The following CCNY variants were observed in gnomAD, a reference collection of about 807,000 sequenced individuals.
The protein encoded by CCNY is cyclin-Y.
In CCNY, 19 loss-of-function variants were observed where a neutral mutation model predicts 42.8. The ratio of observed to expected loss-of-function variants is 0.44; its 90% CI spans 0.31 to 0.65. The LOEUF (loss-of-function observed/expected upper bound fraction) is 0.65. Ranked by LOEUF, CCNY falls within the 30% of genes least tolerant of loss-of-function variation. The pLI is 0.07. For synonymous variants in CCNY, 165 were observed against 162.7 expected (o/e 1.01, Z -0.11); for missense variants, 370 against 437.3 (o/e 0.85, Z 1.37).
chr10:35,485,621 A>G (rs1003349572), intron 2 of CCNY, among the ~76,000 whole-genome samples: 2 of 149,878 alleles, frequency 1.3e-5, no homozygotes, highest in African/African-American at 4.9e-5. Flanking sequence ...GCCACTCAGG[A>G]GGCTGAGGCA....
intron 3 of CCNY, among the ~76,000 whole-genome samples, chr10:35,325,164 A>G (rs1835864912): frequency 6.6e-6 from 1 of 151,914 alleles, no homozygotes; most frequent in Non-Finnish European, 1.5e-5. Flanking sequence ...ATTGGTAATG[A>G]CTCTTATTTC....
intron 1 of CCNY, among the ~76,000 whole-genome samples, chr10:35,440,052 A>G (rs1241396823): frequency 6.6e-6 from 1 of 152,178 alleles, no homozygotes; most frequent in Non-Finnish European, 1.5e-5. Flanking sequence ...TTACCACTTC[A>G]CAATGGCAAA....
intron 1 of CCNY, among the ~76,000 whole-genome samples, chr10:35,387,961 G>C (rs542709598): frequency 6.6e-6 from 1 of 152,128 alleles, no homozygotes; most frequent in Non-Finnish European, 1.5e-5. Flanking sequence ...ACTTACTTGA[G>C]ATGACTTAGT....
At chr10:35,534,999 A>G (rs12247620) in intron 7 of CCNY, among the ~76,000 whole-genome samples, 111 of 133,570 alleles carry the variant, frequency 8.3e-4, no homozygotes, top group Middle Eastern at 4.1e-3. Context: ...ATCTATATAT[A>G]TGTGTGTGTG....
At chr10:35,317,903 A>G (rs1340659630) in intron 3 of CCNY, among the ~76,000 whole-genome samples, 2 of 152,246 alleles carry the variant, frequency 1.3e-5, no homozygotes, top group East Asian at 3.8e-4. Flanking sequence ...AACCATTGTT[A>G]GTAACACATA....
chr10:35,400,356 A>G (rs1384880530), intron 1 of CCNY, among the ~76,000 whole-genome samples: 1 of 151,958 alleles, frequency 6.6e-6, no homozygotes, highest in Non-Finnish European at 1.5e-5. Context: ...CCCTCCCCTC[A>G]CCTTGGGAAT....
At chr10:35,533,871 G>C (rs550934060) in intron 7 of CCNY, among the ~76,000 whole-genome samples, 1 of 152,334 alleles carries the variant, frequency 6.6e-6, no homozygotes, top group Non-Finnish European at 1.5e-5. Context: ...GTAAGTATTT[G>C]TTGAACATGT....
At chr10:35,538,874 A>T (rs1840940008) in intron 7 of CCNY, among the ~76,000 whole-genome samples, 1 of 152,146 alleles carries the variant, frequency 6.6e-6, no homozygotes, top group South Asian at 2.1e-4. Flanking sequence ...GGTCATGATG[A>T]TTTACCCCTA....
chr10:35,323,189 A>C (rs1202235197), intron 3 of CCNY, among the ~76,000 whole-genome samples: 2 of 152,104 alleles, frequency 1.3e-5, no homozygotes, highest in Admixed American at 6.6e-5. Context: ...TCGGCCTCCC[A>C]AATTGCTAAG....
chr10:35,319,124 C>T (rs1392771587), intron 3 of CCNY, among the ~76,000 whole-genome samples: 1 of 152,168 alleles, frequency 6.6e-6, no homozygotes, highest in Non-Finnish European at 1.5e-5. Context: ...CACCATGCCC[C>T]AGCTAATTTT....
At chr10:35,281,716 A>C (rs1835300627) in intron 3 of CCNY, among the ~76,000 whole-genome samples, 1 of 152,202 alleles carries the variant, frequency 6.6e-6, no homozygotes, top group Non-Finnish European at 1.5e-5. Flanking sequence ...TGATATATCC[A>C]ATGTGATAAA....
chr10:35,490,974 C>T (rs1839883292), intron 2 of CCNY, among the ~76,000 whole-genome samples: 1 of 152,176 alleles, frequency 6.6e-6, no homozygotes, highest in Admixed American at 6.5e-5. Flanking sequence ...TTACTTGTGA[C>T]AGACCATTTC....
chr10:35,490,332 A>G (rs982435398), intron 2 of CCNY, among the ~76,000 whole-genome samples: 2 of 152,176 alleles, frequency 1.3e-5, no homozygotes, highest in African/African-American at 2.4e-5. Context: ...ATTTTTGCCT[A>G]TCACACCTGT....
chr10:35,511,045 G>A (rs1025454863), intron 3 of CCNY, among the ~76,000 whole-genome samples: 1 of 152,198 alleles, frequency 6.6e-6, no homozygotes, highest in African/African-American at 2.4e-5. Context: ...TGTTCGGAAC[G>A]TGTCAGCATT....
At chr10:35,361,065 G>A (rs1185648110) in intron 1 of CCNY, among the ~76,000 whole-genome samples, 4 of 151,968 alleles carry the variant, frequency 2.6e-5, no homozygotes, top group Non-Finnish European at 1.5e-5. Flanking sequence ...CGTCATGTTG[G>A]TCAGGCTGGT....
chr10:35,373,844 A>G (rs902941460), intron 1 of CCNY, among the ~76,000 whole-genome samples: 2 of 152,168 alleles, frequency 1.3e-5, no homozygotes, highest in African/African-American at 4.8e-5. Context: ...TGGGGAGTCA[A>G]AAGTTACACA....
intron 2 of CCNY, among the ~76,000 whole-genome samples, chr10:35,485,902 C>T: frequency 6.6e-6 from 1 of 152,138 alleles, no homozygotes; most frequent in East Asian, 1.9e-4. Context: ...CTATTTGTCC[C>T]TCTAATGTAG....
intron 3 of CCNY, among the ~76,000 whole-genome samples, chr10:35,255,448 C>T (rs910823379): frequency 6.6e-6 from 1 of 151,846 alleles, no homozygotes; most frequent in African/African-American, 2.4e-5. Flanking sequence ...AGGCACACAC[C>T]ACCATGCCTG....
chr10:35,260,561 G>A (rs2095718840), intron 3 of CCNY, among the ~76,000 whole-genome samples: 1 of 152,232 alleles, frequency 6.6e-6, no homozygotes, highest in African/African-American at 2.4e-5. Flanking sequence ...TGCTGGCTGT[G>A]CATGAAAATT....
Sources: allele counts gnomAD v4.1 joint callset (sites outside exome capture counted in the v4.1 genomes callset), GRCh38; gene constraint gnomAD v4.1.1; transcripts MANE v1.5; gene names NCBI Gene and HGNC (gene_info 2026-07-23, HGNC 2026-07-21).